The following PTPRA variants were observed in gnomAD, a reference collection of about 807,000 sequenced individuals.
The protein encoded by PTPRA is receptor-type tyrosine-protein phosphatase alpha.
Under a neutral mutation model 104.8 loss-of-function variants are expected in PTPRA, and 25 were observed. The observed-to-expected ratio is 0.24, with a 90% confidence interval of 0.17 to 0.33. PTPRA has a LOEUF of 0.33. Ranked by LOEUF, PTPRA falls within the 10% of genes least tolerant of loss-of-function variation. The pLI is 1.00. For synonymous variants in PTPRA, 323 were observed against 368.9 expected (o/e 0.88, Z 1.43); for missense variants, 765 against 1,015.3 (o/e 0.75, Z 3.35).
At chr20:3,019,519 G>A (rs540912527) in intron 13 of PTPRA, among the ~76,000 whole-genome samples, 30 of 150,806 alleles carry the variant, frequency 2.0e-4, no homozygotes, top group African/African-American at 4.6e-4. Context: ...GACGATGGGC[G>A]GCCGGGCAGA....
chr20:2,904,094 T>C (rs572371399), intron 1 of PTPRA, among the ~76,000 whole-genome samples: 1 of 152,028 alleles, frequency 6.6e-6, no homozygotes, highest in Admixed American at 6.6e-5. Flanking sequence ...TTTTTTTGTG[T>C]GTGTGGAGAT....
At chr20:2,966,356 G>A (rs1411092303) in intron 5 of PTPRA, among the ~76,000 whole-genome samples, 1 of 152,176 alleles carries the variant, frequency 6.6e-6, no homozygotes, top group Non-Finnish European at 1.5e-5. Flanking sequence ...GATAGTAATA[G>A]TTCTTACCTC....
At chr20:2,984,798 G>T (rs2062831376) in intron 6 of PTPRA, among the ~76,000 whole-genome samples, 1 of 152,132 alleles carries the variant, frequency 6.6e-6, no homozygotes, top group African/African-American at 2.4e-5. Flanking sequence ...CATGCTTGCT[G>T]TTCCCAGTGT....
chr20:3,010,321 A>G (rs2064099819), intron 11 of PTPRA, among the ~76,000 whole-genome samples: 1 of 151,870 alleles, frequency 6.6e-6, no homozygotes, highest in South Asian at 2.1e-4. Context: ...CAGCAGTCCC[A>G]AGCATTCCTC....
chr20:2,943,113 C>T (rs1423283102), intron 2 of PTPRA, among the ~76,000 whole-genome samples: 1 of 151,324 alleles, frequency 6.6e-6, no homozygotes, highest in Non-Finnish European at 1.5e-5. Context: ...CAGATTACAA[C>T]ACATAGCCTG....
At chr20:2,871,864 G>A (rs2089437627), upstream of PTPRA, among the ~76,000 whole-genome samples, 1 of 152,190 alleles carries the variant, frequency 6.6e-6, no homozygotes, top group Non-Finnish European at 1.5e-5. Context: ...GAGGTGTCGG[G>A]TTCGGCCATT....
chr20:2,978,966 C>G (rs920743881), intron 6 of PTPRA, among the ~76,000 whole-genome samples: 1 of 152,222 alleles, frequency 6.6e-6, no homozygotes, highest in African/African-American at 2.4e-5. Flanking sequence ...GATGCCAAAG[C>G]CAATCTCTTC....
chr20:3,010,425 G>A (rs559430805), intron 11 of PTPRA, among the ~76,000 whole-genome samples: 28 of 151,744 alleles, frequency 1.8e-4, no homozygotes, highest in African/African-American at 6.0e-4. Flanking sequence ...TCAGGAGATC[G>A]AGACCATCCT....
At chr20:3,026,624 G>C (rs2065158788) in intron 17 of PTPRA, 63 bp from the exon 18 acceptor site, 1 of 1,325,282 alleles carries the variant, frequency 7.5e-7, no homozygotes, top group Admixed American at 1.7e-5. Context: ...CAAGGGACAG[G>C]CATAATCTTG....
chr20:2,868,685 G>A (rs978786241), upstream of PTPRA, among the ~76,000 whole-genome samples: 2 of 121,788 alleles, frequency 1.6e-5, no homozygotes, highest in Admixed American at 2.3e-4. Flanking sequence ...TCACTGCCCT[G>A]GTAGCTCTTT....
chr20:2,926,769 C>CTTTTTTTTTTTTTTTTTTTTTTT (rs777386962), intron 2 of PTPRA, among the ~76,000 whole-genome samples: 52 of 85,028 alleles, frequency 6.1e-4, no homozygotes, highest in South Asian at 1.1e-3. Context: ...TTTCCTTTTC[C>CTTTTTTTTTTTTTTTTTTTTTTT]TTTTTTTTTT....
chr20:3,024,563 A>G lies in PTPRA; in HGVS notation c.1556A>G (p.Gln519Arg). 1.2e-6 allele frequency: 2 copies of G among 1,614,214 alleles called. No individual in the cohort carries two copies. The highest frequency in any genetic ancestry group is 1.7e-6 in the Non-Finnish European group (2 of 1,180,032). The change falls in exon 17 of 24, where the codon CAG becomes CGG. Residue 519 changes from glutamine to arginine, a missense_variant. By Grantham distance (43) the Gln-to-Arg change is conservative (BLOSUM62 1). This residue lies in a region of PTPRA where 192 missense variants were observed against 227.0 expected (regional missense o/e 0.85). Coordinates refer to ENST00000399903, the MANE Select transcript of PTPRA (RefSeq NM_001385305.1). ...GTGACCTCTCTAGAAACCCACCTGC[A>G]GAAAATTTACAACAAAATCCCAGGG... ...LEVTSLETHLQKIYNKIPGTS... is the reference protein window; with the variant it reads ...LEVTSLETHLRKIYNKIPGTS...
At chr20:3,021,259 C>A in intron 13 of PTPRA, 50 bp from the exon 14 acceptor site, 2 of 1,610,860 alleles carry the variant, frequency 1.2e-6, no homozygotes, top group Non-Finnish European at 1.7e-6. Flanking sequence ...TTTGCATCTG[C>A]CATGGGCAGG....
the PTPRA span, among the ~76,000 whole-genome samples, chr20:2,867,897 T>G: frequency 3.3e-5 from 5 of 152,374 alleles, no homozygotes; most frequent in South Asian, 1.0e-3. Flanking sequence ...TTCAAGGAGA[T>G]ATAAGTCAAA....
intron 11 of PTPRA, among the ~76,000 whole-genome samples, chr20:3,008,348 A>G (rs1257195667): frequency 2.0e-5 from 3 of 152,110 alleles, no homozygotes; most frequent in Middle Eastern, 3.2e-3. Flanking sequence ...ACATCATGGT[A>G]AGTGAAATAA....
At chr20:2,994,793 A>G (rs1397031250) in intron 9 of PTPRA, among the ~76,000 whole-genome samples, 1 of 152,202 alleles carries the variant, frequency 6.6e-6, no homozygotes, top group Non-Finnish European at 1.5e-5. Flanking sequence ...GAGCTGTTAC[A>G]CTACCTGCAG....
At position 2,958,844 on chromosome 20, in the gene PTPRA, C is replaced by CAAAA. The variant is rs528139524; in HGVS notation, c.-6-5410_-6-5407dup. On this transcript the variant is annotated intron_variant, in intron 3 of 23. Coordinates refer to ENST00000399903, the MANE Select transcript of PTPRA (RefSeq NM_001385305.1). ...CCTGGGCAACAGAGCGAGACTGTAT[C>CAAAA]AAAAAAAAAAAAAAAAAAAAAGAAC... is the stretch of plus-strand genomic sequence containing the variant. 4.9e-3 allele frequency among the ~76,000 whole-genome samples: 230 copies of CAAAA among 46,818 alleles called. 1 individual carries two copies. The highest frequency in any genetic ancestry group is 0.017 in the African/African-American group (222 of 12,730). The allele number at this position is 46,818 out of a possible 152,430, so 30.7% of individuals were successfully genotyped here. A position where few individuals can be genotyped will look rare whatever the true frequency, so the allele number is the denominator to read the frequency against.
At chr20:2,991,728 G>A (rs1401754738) in intron 9 of PTPRA, among the ~76,000 whole-genome samples, 5 of 152,198 alleles carry the variant, frequency 3.3e-5, no homozygotes, top group African/African-American at 9.6e-5. Context: ...CATGGCAACC[G>A]TGTTCACGAG....
chr20:2,977,378 T>C (rs2062479718), intron 6 of PTPRA, among the ~76,000 whole-genome samples: 1 of 151,758 alleles, frequency 6.6e-6, no homozygotes, highest in Admixed American at 6.6e-5. Flanking sequence ...GTTGATATTC[T>C]TGTTTTAAGA....
Sources: allele counts gnomAD v4.1 joint callset (sites outside exome capture counted in the v4.1 genomes callset), GRCh38; gene constraint gnomAD v4.1.1; regional missense constraint gnomAD v4.1.1; transcripts MANE v1.5; gene names NCBI Gene and HGNC (gene_info 2026-07-23, HGNC 2026-07-21).